KCNQ3: variants seen among roughly 807,000 people sequenced by gnomAD.
KCNQ3 encodes the protein potassium voltage-gated channel subfamily KQT member 3.
KCNQ3 carries 30 observed loss-of-function variants against 92.5 expected under a neutral mutation model. That is an observed-to-expected ratio of 0.32 (90% confidence interval 0.24 to 0.44). The LOEUF (loss-of-function observed/expected upper bound fraction) is 0.44. Ranked by LOEUF, KCNQ3 falls within the 20% of genes least tolerant of loss-of-function variation. KCNQ3 has a pLI of 1.00. For synonymous variants in KCNQ3, 450 were observed against 468.8 expected (o/e 0.96, Z 0.52); for missense variants, 913 against 1,140.3 (o/e 0.80, Z 2.87).
chr8:132,256,237 C>T (rs1815582759), intron 1 of KCNQ3, among the ~76,000 whole-genome samples: 1 of 151,930 alleles, frequency 6.6e-6, no homozygotes, highest in African/African-American at 2.4e-5. Context: ...GAGAAGTCAA[C>T]ATTATGCTTG....
intron 4 of KCNQ3, among the ~76,000 whole-genome samples, chr8:132,178,679 T>C (rs1826649324): frequency 6.6e-6 from 1 of 151,988 alleles, no homozygotes; most frequent in Admixed American, 6.6e-5. Flanking sequence ...TGCAATCTCA[T>C]AGGAAACCAC....
intron 1 of KCNQ3, among the ~76,000 whole-genome samples, chr8:132,313,757 C>A (rs904648817): frequency 6.6e-6 from 1 of 152,026 alleles, no homozygotes; most frequent in Admixed American, 6.6e-5. Flanking sequence ...TAATTAGAAC[C>A]AGAAATAAGA....
At chr8:132,423,347 C>G (rs142325509) in intron 1 of KCNQ3, among the ~76,000 whole-genome samples, 101 of 152,332 alleles carry the variant, frequency 6.6e-4, no homozygotes, top group Middle Eastern at 3.4e-3. Flanking sequence ...ATTCTAGCAA[C>G]CTCTCTTCCT....
intron 1 of KCNQ3, among the ~76,000 whole-genome samples, chr8:132,475,248 G>A (rs372397809): frequency 1.2e-4 from 19 of 152,176 alleles, no homozygotes; most frequent in Admixed American, 1.3e-4. Context: ...TTGGTGCCTG[G>A]AGTTTGGGGC....
chr8:132,438,091 A>T (rs1391439771), intron 1 of KCNQ3, among the ~76,000 whole-genome samples: 1 of 152,240 alleles, frequency 6.6e-6, no homozygotes, highest in Non-Finnish European at 1.5e-5. Context: ...GGTGCCACAT[A>T]ATAAAAATTT....
At chr8:132,180,038 TATC>T in intron 4 of KCNQ3, 116 bp downstream of exon 4, 1 of 1,125,802 alleles carries the variant, frequency 8.9e-7, no homozygotes, top group Non-Finnish European at 1.3e-6. Context: ...TCTTTGTCGT[TATC>T]ATCAAGGGTG....
intron 9 of KCNQ3, among the ~76,000 whole-genome samples, chr8:132,144,947 T>C (rs1003961469): frequency 6.6e-6 from 1 of 152,190 alleles, no homozygotes; most frequent in Non-Finnish European, 1.5e-5. Context: ...AATATTTCAC[T>C]TAATAGGGAC....
chr8:132,279,848 A>G (rs1320967830), intron 1 of KCNQ3, among the ~76,000 whole-genome samples: 2 of 130,106 alleles, frequency 1.5e-5, no homozygotes, highest in African/African-American at 5.1e-5. Context: ...GTATGTGTAT[A>G]TATGCGTGTG....
intron 1 of KCNQ3, among the ~76,000 whole-genome samples, chr8:132,217,580 G>A (rs1487637650): frequency 6.6e-6 from 1 of 151,910 alleles, no homozygotes; most frequent in African/African-American, 2.4e-5. Flanking sequence ...GCGTGGTGGC[G>A]GGTGCCTGGA....
rs1822190453 is a variant in KCNQ3 at position 132,467,102 on chromosome 8, A to C, written c.386+13045T>G. Among the ~76,000 whole-genome samples the C allele has an allele frequency of 1.3e-5, 2 of 152,194 alleles. 1 individual carries two copies. The highest frequency in any genetic ancestry group is 1.3e-4 in the Admixed American group (2 of 15,280). On this transcript the variant is annotated intron_variant, in intron 1 of 14. Transcript: ENST00000388996. ...CTGGAAGGCAGGGAAAATTAGGTCCATATTTCAGATGAGCAAACTGTGGCC... is the reference window on the plus strand; with the variant it reads ...CTGGAAGGCAGGGAAAATTAGGTCCCTATTTCAGATGAGCAAACTGTGGCC...
At chr8:132,187,962 G>GTTGCT in intron 1 of KCNQ3, among the ~76,000 whole-genome samples, 1 of 151,902 alleles carries the variant, frequency 6.6e-6, no homozygotes, top group African/African-American at 2.4e-5. Context: ...TTGTGATGAT[G>GTTGCT]GTAACAACAT....
intron 1 of KCNQ3, among the ~76,000 whole-genome samples, chr8:132,242,933 A>C (rs1279428182): frequency 6.6e-6 from 1 of 152,222 alleles, no homozygotes; most frequent in Non-Finnish European, 1.5e-5. Context: ...GGGTTTAATG[A>C]ATTTTAGACA....
chr8:132,264,293 T>C (rs1815902091), intron 1 of KCNQ3, among the ~76,000 whole-genome samples: 1 of 152,198 alleles, frequency 6.6e-6, no homozygotes, highest in Admixed American at 6.5e-5. Flanking sequence ...TGGGCTGGAA[T>C]GGCCCCAGGT....
intron 1 of KCNQ3, among the ~76,000 whole-genome samples, chr8:132,229,823 G>A (rs2130368399): frequency 6.6e-6 from 1 of 152,268 alleles, no homozygotes; most frequent in South Asian, 2.1e-4. Context: ...AACATAACAG[G>A]TGGAGAGAAG....
chr8:132,227,241 T>C (rs1449141179), intron 1 of KCNQ3, among the ~76,000 whole-genome samples: 4 of 151,990 alleles, frequency 2.6e-5, no homozygotes, highest in Non-Finnish European at 5.9e-5. Flanking sequence ...TTTGTACTTT[T>C]AGTAGAGACG....
intron 1 of KCNQ3, among the ~76,000 whole-genome samples, chr8:132,370,159 G>A (rs891004092): frequency 6.6e-6 from 1 of 152,158 alleles, no homozygotes; most frequent in African/African-American, 2.4e-5. Context: ...AGTTCAAAGA[G>A]GGCAGGGACA....
intron 1 of KCNQ3, among the ~76,000 whole-genome samples, chr8:132,219,429 G>T (rs1235091845): frequency 2.0e-5 from 3 of 152,200 alleles, no homozygotes; most frequent in South Asian, 2.1e-4. Context: ...AACTACACTG[G>T]TGACTTGGTA....
intron 1 of KCNQ3, among the ~76,000 whole-genome samples, chr8:132,223,276 G>A (rs1814296444): frequency 6.6e-6 from 1 of 152,156 alleles, no homozygotes; most frequent in African/African-American, 2.4e-5. Context: ...CTAGGTCTGG[G>A]GACTCAGACA....
In KCNQ3 at chr8:132,480,167, C is replaced by T. The variant is rs1161884098; in HGVS notation, c.366G>A (p.Ala122=). Residue 122 remains alanine (A), a synonymous_variant, in exon 1 of 15, where the codon GCG becomes GCA. Transcript: ENST00000388996. ...YDALERPRGW[A]LLYHALVFLI... The stretch of plus-strand genomic sequence containing the variant: ...CTCACACCAACGCGTGGTAAAGCAG[C>T]GCCCAGCCCCGCGGTCTCTCCAGGG... 1 of 1,612,588 alleles carries T rather than the reference C, an allele frequency of 6.2e-7. No homozygotes were observed. The highest frequency in any genetic ancestry group is 8.5e-7 in the Non-Finnish European group (1 of 1,179,076).
Sources: allele counts gnomAD v4.1 joint callset (sites outside exome capture counted in the v4.1 genomes callset), GRCh38; gene constraint gnomAD v4.1.1; transcripts MANE v1.5; gene names NCBI Gene and HGNC (gene_info 2026-07-23, HGNC 2026-07-21).